The following PRDM16 variants were observed in gnomAD, a reference collection of about 807,000 sequenced individuals.
The protein encoded by PRDM16 is histone-lysine N-methyltransferase PRDM16.
In PRDM16, 23 loss-of-function variants were observed where a neutral mutation model predicts 110.6. The observed-to-expected ratio is 0.21, with a 90% CI of 0.15 to 0.29. The LOEUF is 0.29. PRDM16 is among the 10% of genes least tolerant of loss of function. The pLI is 1.00. For missense variants in PRDM16, 1,615 were observed against 1,794.3 expected, an observed-to-expected ratio of 0.90 and a Z score of 1.81; for synonymous variants, 799 against 781.8, an observed-to-expected ratio of 1.02 and a Z score of -0.37.
intron 1 of PRDM16, among the ~76,000 whole-genome samples, chr1:3,140,190 C>T (rs1643520766): frequency 6.6e-6 from 1 of 152,254 alleles, no homozygotes; most frequent in Non-Finnish European, 1.5e-5. Flanking sequence ...GATGCAGCCC[C>T]CGGATGGCCG....
intron 2 of PRDM16, among the ~76,000 whole-genome samples, chr1:3,238,618 G>A (rs1178388923): frequency 3.9e-5 from 6 of 152,214 alleles, no homozygotes; most frequent in African/African-American, 7.2e-5. Context: ...CGGGGCGGCC[G>A]GCGACTAACC....
chr1:3,139,296 T>C (rs775391307), intron 1 of PRDM16, among the ~76,000 whole-genome samples: 6 of 152,222 alleles, frequency 3.9e-5, no homozygotes, highest in Admixed American at 3.3e-4. Flanking sequence ...TCCTTCCTCC[T>C]GGAGCCGAGC....
intron 1 of PRDM16, among the ~76,000 whole-genome samples, chr1:3,078,656 G>C (rs1037734706): frequency 3.9e-5 from 6 of 152,232 alleles, no homozygotes; most frequent in Admixed American, 3.9e-4. Context: ...AATGAAATTC[G>C]TTTCTCTAGT....
chr1:3,177,330 G>A (rs1351535163), intron 1 of PRDM16, among the ~76,000 whole-genome samples: 1 of 152,180 alleles, frequency 6.6e-6, no homozygotes, highest in Admixed American at 6.5e-5. Flanking sequence ...CTTACTGACT[G>A]CCAGGAAACT....
At chr1:3,114,301 G>A (rs373365355) in intron 1 of PRDM16, among the ~76,000 whole-genome samples, 397 of 110,352 alleles carry the variant, frequency 3.6e-3, no homozygotes, top group African/African-American at 0.013. Context: ...AAACGCACAC[G>A]CACGCACACA....
intron 1 of PRDM16, among the ~76,000 whole-genome samples, chr1:3,162,105 T>C (rs1183557491): frequency 2.0e-5 from 3 of 151,858 alleles, no homozygotes; most frequent in Non-Finnish European, 4.4e-5. Context: ...TGTGGTAAAA[T>C]ATACAAATGT....
At chr1:3,411,316 G>A in intron 8 of PRDM16, 68 bp from the exon 9 acceptor site, 1 of 1,516,008 alleles carries the variant, frequency 6.6e-7, no homozygotes, top group African/African-American at 1.4e-5. Flanking sequence ...GTAATTTCAT[G>A]TGGCGTTTTC....
chr1:3,310,385 T>C (rs12567387), intron 3 of PRDM16, among the ~76,000 whole-genome samples: 16,978 of 152,078 alleles, frequency 0.11, 1,149 homozygotes, highest in East Asian at 0.32. Flanking sequence ...GCGCCCTCCC[T>C]CTGCTGAGCC....
intron 2 of PRDM16, among the ~76,000 whole-genome samples, chr1:3,211,289 C>T (rs951615947): frequency 3.9e-5 from 6 of 152,180 alleles, no homozygotes; most frequent in South Asian, 2.1e-4. Context: ...TAGCCAATGC[C>T]GATTTTCTTT....
chr1:3,346,166 T>C (rs933761667), intron 3 of PRDM16, among the ~76,000 whole-genome samples: 18 of 152,244 alleles, frequency 1.2e-4, no homozygotes, highest in African/African-American at 3.9e-4. Flanking sequence ...TTAAAAATAA[T>C]TGAATGTGGA....
chr1:3,337,029 CTGTG>C (rs1260704063), intron 3 of PRDM16, among the ~76,000 whole-genome samples: 1 of 149,418 alleles, frequency 6.7e-6, no homozygotes, highest in African/African-American at 2.5e-5. Context: ...TGGAGTGAGT[CTGTG>C]TGTGCACATT....
intron 2 of PRDM16, among the ~76,000 whole-genome samples, chr1:3,212,510 C>T (rs1638910569): frequency 1.3e-5 from 2 of 152,148 alleles, no homozygotes; most frequent in Admixed American, 1.3e-4. Flanking sequence ...CTCCTGCCTC[C>T]GTCCCCATGT....
In PRDM16 at chr1:3,414,588, C is replaced by T; in HGVS notation, c.2632C>T (p.Pro878Ser). 6.2e-7 allele frequency: 1 copy of T among 1,613,448 alleles called. No individual in the cohort carries two copies. Among genetic ancestry groups the T allele is most frequent in the Non-Finnish European group, 8.5e-7 (1 of 1,179,834 alleles). The stretch of plus-strand genomic sequence containing the variant: ...GGTAGAAAAGCGGAAGGTCACAGAC[C>T]CCGTGGGAGCCCTGAAGGAGAAGTA... ...SRVEKRKVTD[P>S]VGALKEKYLR... Residue 878 changes from proline to serine, a missense_variant, in exon 10 of 17, where the codon CCC becomes TCC. Around this residue, in one of 5 missense-constraint regions of PRDM16, gnomAD observed 772 missense variants for 748.3 expected, o/e 1.03. Transcript: ENST00000270722.
At chr1:3,237,345 T>C (rs1639561439) in intron 2 of PRDM16, among the ~76,000 whole-genome samples, 1 of 151,854 alleles carries the variant, frequency 6.6e-6, no homozygotes, top group Non-Finnish European at 1.5e-5. Flanking sequence ...CCCAGCCCCA[T>C]CACCTCCTGG....
Position 3,285,610 on chromosome 1 carries a change from T to A in PRDM16, c.438+41473T>A, listed in dbSNP as rs531160949. 4.6e-5 allele frequency among the ~76,000 whole-genome samples: 7 copies of A among 152,282 alleles called. No individual in the cohort carries two copies. In the East Asian group the frequency reaches 1.4e-3, roughly 29 times the overall value. The stretch of plus-strand genomic sequence containing the variant: ...TTCGCTCACACCCGCGACATCCACA[T>A]TGGCCGTGGTCATAGCCAGCCTGAG... On this transcript the variant is annotated intron_variant, in intron 3 of 16. Coordinates refer to ENST00000270722, the MANE Select transcript of PRDM16 (RefSeq NM_022114.4).
chr1:3,199,956 C>A (rs1638577608), intron 2 of PRDM16, among the ~76,000 whole-genome samples: 1 of 152,252 alleles, frequency 6.6e-6, no homozygotes. Context: ...TCTCTCTCCC[C>A]CCACCAGGGG....
At chr1:3,129,867 C>CCCG (rs36033160) in intron 1 of PRDM16, among the ~76,000 whole-genome samples, 6,949 of 152,166 alleles carry the variant, frequency 0.046, 229 homozygotes, top group Non-Finnish European at 0.067. Flanking sequence ...ATTTTCTCTC[C>CCCG]TCTCTCAGTC....
At position 3,186,334 on chromosome 1, in the gene PRDM16, G is replaced by T. The variant is rs1557514398; in HGVS notation, c.247G>T (p.Asp83Tyr). The change falls in exon 2 of 17, where the codon GAC becomes TAC. Residue 83 changes from aspartate to tyrosine, a missense_variant. By Grantham distance (160) the Asp-to-Tyr change is radical. Transcript: ENST00000270722. ...TCCTGAAGACATTCCGATCCCAGCA[G>T]ACTTCGAGCTCCGAGAGTCCTCCAT... ...YIPEDIPIPA[D>Y]FELRESSIPG... 6.2e-7 allele frequency: 1 copy of T among 1,612,456 alleles called. No individual in the cohort carries two copies. The highest frequency in any genetic ancestry group is 8.5e-7 in the Non-Finnish European group (1 of 1,179,804).
At chr1:3,115,770 C>G (rs1353799562) in intron 1 of PRDM16, among the ~76,000 whole-genome samples, 1 of 152,206 alleles carries the variant, frequency 6.6e-6, no homozygotes, top group Non-Finnish European at 1.5e-5. Flanking sequence ...TTGGCATCCT[C>G]GGGGTGCCCT....
Sources: allele counts gnomAD v4.1 joint callset (sites outside exome capture counted in the v4.1 genomes callset), GRCh38; gene constraint gnomAD v4.1.1; regional missense constraint gnomAD v4.1.1; transcripts MANE v1.5; gene names NCBI Gene and HGNC (gene_info 2026-07-23, HGNC 2026-07-21).